SLC39A11: variants seen among roughly 807,000 people sequenced by gnomAD.
SLC39A11 encodes the protein solute carrier family 39 member 11.
In SLC39A11, 33 loss-of-function variants were observed where a neutral mutation model predicts 36.1. The observed-to-expected ratio is 0.91, with a 90% CI of 0.69 to 1.22. The LOEUF is 1.22. SLC39A11 is among the 50% of genes most tolerant of loss of function. SLC39A11 has a pLI of 0.00. For missense variants in SLC39A11, 432 were observed against 430.3 expected (o/e 1.00, Z -0.03); for synonymous variants, 166 against 170.3 (o/e 0.97, Z 0.20).
At chr17:72,770,473 T>C (rs1232780438) in intron 6 of SLC39A11, among the ~76,000 whole-genome samples, 2 of 152,190 alleles carry the variant, frequency 1.3e-5, no homozygotes, top group African/African-American at 4.8e-5. Flanking sequence ...CCCTTCAGCC[T>C]GACCTAATGT....
chr17:72,940,337 G>A (rs372562988), intron 5 of SLC39A11, among the ~76,000 whole-genome samples: 7 of 150,860 alleles, frequency 4.6e-5, no homozygotes, highest in South Asian at 4.2e-4. Flanking sequence ...GTGCAATGGC[G>A]TGGTCTCAGC....
chr17:72,900,733 G>A (rs371205574), intron 5 of SLC39A11, among the ~76,000 whole-genome samples: 7 of 152,212 alleles, frequency 4.6e-5, no homozygotes, highest in Non-Finnish European at 1.0e-4. Context: ...CACTTCAACA[G>A]CATCTGCAGT....
At chr17:72,748,602 G>A (rs1355634625) in intron 6 of SLC39A11, among the ~76,000 whole-genome samples, 1 of 152,204 alleles carries the variant, frequency 6.6e-6, no homozygotes, top group Non-Finnish European at 1.5e-5. Context: ...TCGTTTGTAT[G>A]ACTGAAGACA....
intron 3 of SLC39A11, among the ~76,000 whole-genome samples, chr17:73,062,747 G>C (rs560542303): frequency 6.6e-6 from 1 of 152,144 alleles, no homozygotes; most frequent in Admixed American, 6.6e-5. Flanking sequence ...ACGGATTGGG[G>C]GTGGGGGATG....
intron 7 of SLC39A11, among the ~76,000 whole-genome samples, chr17:72,714,721 C>T (rs2073272169): frequency 6.6e-6 from 1 of 152,202 alleles, no homozygotes; most frequent in Non-Finnish European, 1.5e-5. Context: ...CCAGAGAACA[C>T]CACCTTTTTG....
At chr17:72,658,192 AG>A (rs149260505) in intron 7 of SLC39A11, among the ~76,000 whole-genome samples, 10,570 of 152,284 alleles carry the variant, frequency 0.069, 496 homozygotes, top group African/African-American at 0.14. Context: ...TGGGCCCACA[AG>A]GGGTGCCAAG....
At chr17:72,894,843 G>A (rs2081950993) in intron 5 of SLC39A11, among the ~76,000 whole-genome samples, 1 of 152,046 alleles carries the variant, frequency 6.6e-6, no homozygotes, top group African/African-American at 2.4e-5. Context: ...TTCAGTGTGG[G>A]CCTAGAGAGA....
intron 4 of SLC39A11, among the ~76,000 whole-genome samples, chr17:72,994,991 G>T (rs1243983874): frequency 6.6e-6 from 1 of 152,200 alleles, no homozygotes; most frequent in Admixed American, 6.6e-5. Flanking sequence ...GCAGTAGCCA[G>T]TTAGGCAGCC....
chr17:72,945,821 C>T (rs2085398384), intron 5 of SLC39A11, among the ~76,000 whole-genome samples: 1 of 152,224 alleles, frequency 6.6e-6, no homozygotes, highest in South Asian at 2.1e-4. Flanking sequence ...CTGACCCCGT[C>T]CCGGCTGTGA....
intron 7 of SLC39A11, among the ~76,000 whole-genome samples, chr17:72,724,919 G>A (rs780124409): frequency 3.3e-5 from 5 of 152,094 alleles, no homozygotes; most frequent in Non-Finnish European, 7.4e-5. Flanking sequence ...ACTATTCTAA[G>A]TTCTCTCTCT....
intron 7 of SLC39A11, among the ~76,000 whole-genome samples, chr17:72,673,534 T>G (rs2071111677): frequency 6.6e-6 from 1 of 152,216 alleles, no homozygotes; most frequent in South Asian, 2.1e-4. Flanking sequence ...AGATTTACCA[T>G]CCAGAGAACA....
chr17:72,983,849 A>T (rs2088512618), intron 4 of SLC39A11, among the ~76,000 whole-genome samples: 1 of 152,218 alleles, frequency 6.6e-6, no homozygotes, highest in South Asian at 2.1e-4. Flanking sequence ...TGAGTTACTA[A>T]GGAAAAGGGA....
intron 7 of SLC39A11, among the ~76,000 whole-genome samples, chr17:72,659,176 C>T (rs200738414): frequency 1.3e-5 from 2 of 152,192 alleles, no homozygotes; most frequent in East Asian, 3.8e-4. Flanking sequence ...TTTGGAAGGT[C>T]CCTGTCTTCA....
chr17:73,077,884 C>T (rs184187582), intron 3 of SLC39A11, among the ~76,000 whole-genome samples: 11 of 152,172 alleles, frequency 7.2e-5, no homozygotes, highest in African/African-American at 2.4e-4. Flanking sequence ...TGGTTTGTTT[C>T]CTTTCTTGTT....
intron 3 of SLC39A11, among the ~76,000 whole-genome samples, chr17:73,044,713 A>G (rs972222683): frequency 2.0e-5 from 3 of 152,050 alleles, no homozygotes; most frequent in Non-Finnish European, 4.4e-5. Context: ...ACCTCTACAA[A>G]AAATACAAAA....
intron 5 of SLC39A11, among the ~76,000 whole-genome samples, chr17:72,913,806 C>T (rs2083166759): frequency 6.6e-6 from 1 of 152,054 alleles, no homozygotes; most frequent in African/African-American, 2.4e-5. Flanking sequence ...TCTCAGTCTG[C>T]ATGCAACAGA....
intron 5 of SLC39A11, among the ~76,000 whole-genome samples, chr17:72,860,272 G>T (rs1273831583): frequency 6.6e-6 from 1 of 152,134 alleles, no homozygotes; most frequent in Non-Finnish European, 1.5e-5. Flanking sequence ...CAGCAAAAGT[G>T]ATTCAGACAT....
At chr17:72,815,355 C>T (rs2077548848) in intron 6 of SLC39A11, among the ~76,000 whole-genome samples, 1 of 152,238 alleles carries the variant, frequency 6.6e-6, no homozygotes, top group Non-Finnish European at 1.5e-5. Context: ...CGTGGTGGCT[C>T]ATGCCTGTAA....
At chr17:72,983,894 T>C (rs12942648) in intron 4 of SLC39A11, among the ~76,000 whole-genome samples, 78,926 of 152,066 alleles carry the variant, frequency 0.52, 21,462 homozygotes, top group Middle Eastern at 0.69. Context: ...TGGGCAAGGC[T>C]CCAAGGGAAG....
Sources: allele counts gnomAD v4.1 joint callset (sites outside exome capture counted in the v4.1 genomes callset), GRCh38; gene constraint gnomAD v4.1.1; transcripts MANE v1.5; gene names NCBI Gene and HGNC (gene_info 2026-07-23, HGNC 2026-07-21).